Variants in CERS4 observed in about 807,000 individuals in gnomAD.
The protein encoded by CERS4 is ceramide synthase 4.
A neutral mutation model predicts 51.8 loss-of-function variants in CERS4; 65 were observed. That is an observed-to-expected ratio of 1.26 (90% CI 1.03 to 1.54). The LOEUF is 1.54. Ranked by LOEUF, CERS4 falls within the 40% of genes most tolerant of loss-of-function variation. CERS4 has a pLI of 0.00. For missense variants in CERS4, 563 were observed against 500.4 expected (o/e 1.13, Z -1.19); for synonymous variants, 228 against 208.4 (o/e 1.09, Z -0.81).
At chr19:8,212,573 A>G (rs1449293412) in intron 2 of CERS4, among the ~76,000 whole-genome samples, 2 of 152,056 alleles carry the variant, frequency 1.3e-5, no homozygotes, top group African/African-American at 4.8e-5. Context: ...CTGTCATAGG[A>G]GGAAAGGGTC....
chr19:8,258,131 C>T lies in CERS4; in HGVS notation c.848+146C>T, dbSNP rs540016193. ...AGGAGGCAGGGAAGGGTGTGCCAGG[C>T]ACAGGGCACGGCATATGCAAAGGCG... On this transcript the variant is annotated intron_variant, in intron 10 of 11. Transcript: ENST00000251363. The T allele has an allele frequency of 4.3e-6, 3 of 701,844 alleles. 1 individual carries two copies. The highest frequency in any genetic ancestry group is 3.2e-5 in the South Asian group (2 of 61,958). 43.5% of individuals were successfully genotyped at this position (701,844 alleles called of 1,614,324 possible). A position where few individuals can be genotyped will look rare whatever the true frequency, so the allele number is the denominator to read the frequency against.
At chr19:8,235,717 C>T (rs937095036) in intron 2 of CERS4, among the ~76,000 whole-genome samples, 20 of 151,146 alleles carry the variant, frequency 1.3e-4, no homozygotes, top group African/African-American at 4.6e-4. Flanking sequence ...GTGAGACCCT[C>T]CCCCCAATCT....
chr19:8,261,735 T>C lies in CERS4; in HGVS notation c.896T>C (p.Phe299Ser). 6 of 1,614,098 alleles carry C rather than the reference T, an allele frequency of 3.7e-6. No homozygotes were observed. The highest frequency in any genetic ancestry group is 5.1e-6 in the Non-Finnish European group (6 of 1,179,996). Residue 299 changes from phenylalanine (F) to serine (S), a missense_variant, in exon 11 of 12, where the codon TTC becomes TCC. Transcript: ENST00000251363. ...GAGTCCATCAGCAACAGGGGCCCCTTCTTCGGCTACTACTTCTTCAACGGG... is the reference window on the plus strand; with the variant it reads ...GAGTCCATCAGCAACAGGGGCCCCTCCTTCGGCTACTACTTCTTCAACGGG... ...YYESISNRGP[F>S]FGYYFFNGLL...
At chr19:8,256,132 G>C in intron 6 of CERS4, 104 bp from the exon 7 acceptor site, 1 of 1,255,360 alleles carries the variant, frequency 8.0e-7, no homozygotes, top group Non-Finnish European at 1.1e-6. Flanking sequence ...GCTGGGTGAA[G>C]GTAGCATCTA....
chr19:8,236,195 AAAAC>A (rs1354491546), intron 2 of CERS4, among the ~76,000 whole-genome samples: 2 of 152,120 alleles, frequency 1.3e-5, no homozygotes, highest in East Asian at 1.9e-4. Context: ...ACTCTGTCTC[AAAAC>A]AAACAAAAAA....
chr19:8,246,331 G>C (rs1034211527), intron 2 of CERS4, among the ~76,000 whole-genome samples: 1 of 152,144 alleles, frequency 6.6e-6, no homozygotes, highest in Non-Finnish European at 1.5e-5. Flanking sequence ...GCCAAGGCGG[G>C]AGGATCGCTT....
intron 2 of CERS4, among the ~76,000 whole-genome samples, chr19:8,220,529 T>A (rs1967487863): frequency 6.6e-6 from 1 of 152,200 alleles, no homozygotes; most frequent in Non-Finnish European, 1.5e-5. Flanking sequence ...GATCTGGAAC[T>A]CCTGGCCTCA....
chr19:8,262,039 C>T lies in CERS4; in HGVS notation c.1115C>T (p.Pro372Leu). 6.4e-7 allele frequency: 1 copy of T among 1,555,794 alleles called. No individual in the cohort carries two copies. Among genetic ancestry groups the T allele is most frequent in the Non-Finnish European group, 8.7e-7 (1 of 1,154,912 alleles). Reference sequence around the variant, plus strand: ...AACGGGGCAGCTGGAGGGCCCAGGCCAGCCCCCACTGATGGCCCTCGGAGC... The same window carrying T: ...AACGGGGCAGCTGGAGGGCCCAGGCTAGCCCCCACTGATGGCCCTCGGAGC... ...LKNGAAGGPR[P>L]APTDGPRSRV... Residue 372 changes from proline to leucine, a missense_variant, in exon 12 of 12, where the codon CCA (proline) becomes CTA (leucine). Coordinates refer to ENST00000251363, the MANE Select transcript of CERS4 (RefSeq NM_024552.3).
At chr19:8,231,997 C>CTT in intron 2 of CERS4, among the ~76,000 whole-genome samples, 1 of 138,770 alleles carries the variant, frequency 7.2e-6, no homozygotes, top group African/African-American at 2.6e-5. Flanking sequence ...CCAGCTTTTT[C>CTT]TTTTTTTTTT....
intron 2 of CERS4, among the ~76,000 whole-genome samples, chr19:8,239,125 G>C (rs988330407): frequency 6.6e-6 from 1 of 151,776 alleles, no homozygotes; most frequent in African/African-American, 2.4e-5. Context: ...ATTGTGGCCA[G>C]GTGTGGTGGC....
chr19:8,245,129 A>AC (rs1599563670), intron 2 of CERS4, among the ~76,000 whole-genome samples: 1 of 148,658 alleles, frequency 6.7e-6, no homozygotes, highest in African/African-American at 2.5e-5. Context: ...AAAAAAAAAA[A>AC]AAAAAACACT....
At position 8,256,268 on chromosome 19, in the gene CERS4, G is replaced by C. The variant is rs1969376143; in HGVS notation, c.501G>C (p.Trp167Cys). ...GGCTGTGGGCACCAGTAATGTGCTG[G>C]GACAGGTACCCAAACCAGGTGAGTG... ...ESWLWAPVMC[W>C]DRYPNQTLKP... The change falls in exon 7 of 12, where the codon TGG (tryptophan) becomes TGC (cysteine). Residue 167 changes from tryptophan (W) to cysteine (C), a missense_variant. Physicochemically the swap from Trp to Cys is radical, Grantham distance 215. Transcript: ENST00000251363. The C allele has an allele frequency of 1.2e-6, 2 of 1,613,524 alleles. No homozygotes were observed. Among genetic ancestry groups the C allele is most frequent in the Non-Finnish European group, 8.5e-7 (1 of 1,179,820 alleles).
chr19:8,239,409 AAAG>A (rs199603897), intron 2 of CERS4: 72,420 of 139,604 alleles, frequency 0.52, 18,721 homozygotes, highest in Non-Finnish European at 0.55. Flanking sequence ...CAAAAAAAAA[AAAG>A]AAAAAGAAAA....
At chr19:8,252,763 C>T (rs1346108250) in intron 3 of CERS4, among the ~76,000 whole-genome samples, 1 of 152,128 alleles carries the variant, frequency 6.6e-6, no homozygotes, top group Non-Finnish European at 1.5e-5. Context: ...TTAGTAGAGA[C>T]AAGGTCTCAC....
rs1024490679 is a variant in CERS4, at chr19:8,210,874, CTGGGGTG to C, written c.-2+18_-2+24del. The C allele has an allele frequency of 2.0e-5, 3 of 151,626 alleles. No homozygotes were observed. The highest frequency in any genetic ancestry group is 6.6e-5 in the Admixed American group (1 of 15,242). The allele number at this position is 151,626 out of a possible 1,614,324, so 9.4% of individuals were successfully genotyped here. A position where few individuals can be genotyped will look rare whatever the true frequency, so the allele number is the denominator to read the frequency against. ...CACTGCCAGCAGAGGTACTTTGAGCCTGGGGTGTGGGGGGTGGGGGGCGGCCTTGGTC... is the reference window on the plus strand; with the variant it reads ...CACTGCCAGCAGAGGTACTTTGAGCCTGGGGGGTGGGGGGCGGCCTTGGTC... On this transcript the variant is annotated intron_variant, in intron 2 of 11. Coordinates refer to ENST00000251363, the MANE Select transcript of CERS4 (RefSeq NM_024552.3). This position sits in a 1 kb window ranked among gnomAD's most constrained non-coding sequence, Gnocchi z 4.2.
At chr19:8,255,302 C>T (rs946481385) in intron 4 of CERS4, among the ~76,000 whole-genome samples, 1 of 152,132 alleles carries the variant, frequency 6.6e-6, no homozygotes, top group African/African-American at 2.4e-5. Context: ...GAGAACTGAC[C>T]GTTCTGGAGG....
chr19:8,215,953 G>C (rs1000858631), intron 2 of CERS4, among the ~76,000 whole-genome samples: 1 of 152,110 alleles, frequency 6.6e-6, no homozygotes, highest in Non-Finnish European at 1.5e-5. Context: ...TCTGTGCCTC[G>C]AGTCCAGGAT....
At chr19:8,212,018 C>T (rs1232861299) in intron 2 of CERS4, among the ~76,000 whole-genome samples, 1 of 151,474 alleles carries the variant, frequency 6.6e-6, no homozygotes, top group Non-Finnish European at 1.5e-5. Context: ...TTGGCTGGGT[C>T]GCTAAGGGTA....
rs1427648772 is a variant in CERS4 at position 8,256,225 on chromosome 19, T to C, written c.469-11T>C. On this transcript the variant is annotated splice_polypyrimidine_tract_variant and intron_variant, in intron 6 of 11. Transcript: ENST00000251363. The stretch of plus-strand genomic sequence containing the variant: ...TCACCTCTGCACAGCCTGACACCCA[T>C]TTCCCTGCAGGAGTCATGGCTGTGG... 1.7e-5 allele frequency: 27 copies of C among 1,610,410 alleles called. No individual in the cohort carries two copies. The highest frequency in any genetic ancestry group is 2.7e-5 in the African/African-American group (2 of 74,850).
Sources: allele counts gnomAD v4.1 joint callset (sites outside exome capture counted in the v4.1 genomes callset), GRCh38; gene constraint gnomAD v4.1.1; non-coding constraint Gnocchi (gnomAD v3.1); transcripts MANE v1.5; gene names NCBI Gene and HGNC (gene_info 2026-07-23, HGNC 2026-07-21).